The following TMEM74 variants were observed in gnomAD, a reference collection of about 807,000 sequenced individuals.
TMEM74 encodes the protein transmembrane protein 74.
A neutral mutation model predicts 18.1 loss-of-function variants in TMEM74; 13 were observed. The ratio of observed to expected loss-of-function variants is 0.72; its 90% CI spans 0.47 to 1.14. TMEM74 has a LOEUF of 1.14. Ranked by LOEUF, TMEM74 falls within the 50% of genes most tolerant of loss-of-function variation. The pLI is 0.00. For missense variants in TMEM74, 372 were observed against 375.9 expected, an observed-to-expected ratio of 0.99 and a Z score of 0.09; for synonymous variants, 159 against 146.6, an observed-to-expected ratio of 1.08 and a Z score of -0.61.
intron 1 of TMEM74, among the ~76,000 whole-genome samples, chr8:108,726,868 G>C (rs1813644296): frequency 6.6e-6 from 1 of 152,048 alleles, no homozygotes; most frequent in Non-Finnish European, 1.5e-5. Context: ...AAACCTAGAG[G>C]ATATTAGGTG....
At chr8:108,756,716 G>GAA (rs1813976909) in intron 1 of TMEM74, among the ~76,000 whole-genome samples, 3 of 88,684 alleles carry the variant, frequency 3.4e-5, no homozygotes, top group African/African-American at 1.4e-4. Context: ...AAGAAAGAAA[G>GAA]AAAGAGAAAG....
intron 2 of TMEM74, among the ~76,000 whole-genome samples, chr8:108,611,283 T>A (rs907151377): frequency 6.6e-6 from 1 of 152,016 alleles, no homozygotes; most frequent in African/African-American, 2.4e-5. Flanking sequence ...GATTTAGGAG[T>A]TTAAATAAAC....
intron 1 of TMEM74, among the ~76,000 whole-genome samples, chr8:108,673,829 G>T (rs1286935583): frequency 2.6e-5 from 4 of 152,164 alleles, no homozygotes; most frequent in Non-Finnish European, 2.9e-5. Flanking sequence ...GGCCAGTTCT[G>T]CTGTGAGGAA....
intron 2 of TMEM74, among the ~76,000 whole-genome samples, chr8:108,651,919 C>A (rs1812778520): frequency 6.6e-6 from 1 of 150,932 alleles, no homozygotes; most frequent in Admixed American, 6.6e-5. Context: ...CTTATACACC[C>A]AGTGTTACGA....
chr8:108,710,198 G>A (rs535762888), intron 1 of TMEM74, among the ~76,000 whole-genome samples: 15 of 152,224 alleles, frequency 9.9e-5, no homozygotes, highest in South Asian at 2.1e-4. Flanking sequence ...TAAAGGATGC[G>A]TTTAGTATAT....
chr8:108,625,908 A>G (rs1812488851), intron 2 of TMEM74, among the ~76,000 whole-genome samples: 1 of 152,056 alleles, frequency 6.6e-6, no homozygotes, highest in Non-Finnish European at 1.5e-5. Flanking sequence ...TAAGGGGTAC[A>G]TAGTAGGTCA....
At chr8:108,758,320 A>G (rs1814001525) in intron 1 of TMEM74, among the ~76,000 whole-genome samples, 1 of 152,104 alleles carries the variant, frequency 6.6e-6, no homozygotes, top group Non-Finnish European at 1.5e-5. Context: ...TAAAATTTAT[A>G]TCCTCTGTGA....
chr8:108,651,183 A>G (rs546438036), intron 2 of TMEM74, among the ~76,000 whole-genome samples: 2 of 152,336 alleles, frequency 1.3e-5, no homozygotes, highest in South Asian at 2.1e-4. Flanking sequence ...ATGGGATTAA[A>G]AAAAAGTACC....
At position 108,784,024 on chromosome 8, in the gene TMEM74, T is replaced by C; in HGVS notation, c.*157A>G. ...CATCTTACATGGCTTTTCTTCTAAA[T>C]AGAAGACACATAGAGAACAAAAACA... On this transcript the variant is annotated 3_prime_UTR_variant, in exon 2 of 2. Transcript: ENST00000297459. 2 of 605,546 alleles carry C rather than the reference T, an allele frequency of 3.3e-6. No individual in the cohort carries two copies. The highest frequency in any genetic ancestry group is 1.9e-5 in the African/African-American group (1 of 53,530). The allele number at this position is 605,546 out of a possible 1,614,324, so 37.5% of individuals were successfully genotyped here.
At chr8:108,752,876 G>C (rs931263061) in intron 1 of TMEM74, among the ~76,000 whole-genome samples, 1 of 151,976 alleles carries the variant, frequency 6.6e-6, no homozygotes, top group Non-Finnish European at 1.5e-5. Context: ...CCAGTTCACT[G>C]GCCCTTTTTT....
intron 2 of TMEM74, among the ~76,000 whole-genome samples, chr8:108,623,855 G>A (rs529890509): frequency 1.3e-5 from 2 of 152,064 alleles, no homozygotes; most frequent in Admixed American, 1.3e-4. Flanking sequence ...GTAGGTAAAG[G>A]CCAGTAATAC....
chr8:108,707,492 A>G (rs1813428557), intron 1 of TMEM74, among the ~76,000 whole-genome samples: 1 of 152,174 alleles, frequency 6.6e-6, no homozygotes, highest in Non-Finnish European at 1.5e-5. Context: ...TTAATAGGCC[A>G]TAATGTGGTT....
At chr8:108,730,566 T>C (rs10095059) in intron 1 of TMEM74, among the ~76,000 whole-genome samples, 9,266 of 151,992 alleles carry the variant, frequency 0.061, 783 homozygotes, top group African/African-American at 0.19. Context: ...TATATATTTA[T>C]TCACCTTTTA....
rs1473983845 is a variant in TMEM74, at chr8:108,756,687, AGAAAGAAAGAAG to A, written n.119+30777_119+30788del. Among the ~76,000 whole-genome samples the A allele has an allele frequency of 7.3e-3, 831 of 113,750 alleles. 25 individuals carry two copies. The highest frequency in any genetic ancestry group is 0.03 in the African/African-American group (783 of 25,734). 74.6% of individuals were successfully genotyped at this position (113,750 alleles called of 152,430 possible). A position where few individuals can be genotyped will look rare whatever the true frequency, so the allele number is the denominator to read the frequency against. ...AAGAAAGAAAGAAAGAAAGAAAGAA[AGAAAGAAAGAAG>A]GAAGGAAAGAAAGAAAGAAAGAGAA... On this transcript the variant is annotated intron_variant and non_coding_transcript_variant, in intron 1 of 3. Coordinates refer to the TMEM74 transcript ENST00000518838.
intron 1 of TMEM74, among the ~76,000 whole-genome samples, chr8:108,728,056 G>T (rs1408809126): frequency 6.6e-6 from 1 of 152,192 alleles, no homozygotes; most frequent in Non-Finnish European, 1.5e-5. Context: ...AAAAGTGGTG[G>T]TGTCAACTCC....
At chr8:108,703,508 T>C (rs1813358618) in intron 1 of TMEM74, among the ~76,000 whole-genome samples, 1 of 152,094 alleles carries the variant, frequency 6.6e-6, no homozygotes, top group African/African-American at 2.4e-5. Context: ...AGTCAATAAT[T>C]GTAAAGAAGA....
chr8:108,644,116 A>G (rs1812692710), intron 2 of TMEM74, among the ~76,000 whole-genome samples: 2 of 152,212 alleles, frequency 1.3e-5, no homozygotes, highest in African/African-American at 4.8e-5. Context: ...ATAAGACTAC[A>G]GTAACCGAAA....
chr8:108,649,039 T>C (rs1812747598), intron 2 of TMEM74, among the ~76,000 whole-genome samples: 1 of 152,186 alleles, frequency 6.6e-6, no homozygotes, highest in African/African-American at 2.4e-5. Context: ...CTTTACATCT[T>C]CTGAGATTCC....
chr8:108,619,386 A>C (rs191022935), intron 2 of TMEM74, among the ~76,000 whole-genome samples: 133 of 152,340 alleles, frequency 8.7e-4, no homozygotes, highest in Middle Eastern at 6.8e-3. Flanking sequence ...TGAATTCCAC[A>C]TGCAAATGCA....
Sources: allele counts gnomAD v4.1 joint callset (sites outside exome capture counted in the v4.1 genomes callset), GRCh38; gene constraint gnomAD v4.1.1; transcripts MANE v1.5; gene names NCBI Gene and HGNC (gene_info 2026-07-23, HGNC 2026-07-21).